SLC39A12: variants seen among roughly 807,000 people sequenced by gnomAD.
The protein encoded by SLC39A12 is solute carrier family 39 member 12, also known as zinc transporter ZIP12.
Under a neutral mutation model 71.1 loss-of-function variants are expected in SLC39A12, and 63 were observed. The observed-to-expected ratio is 0.89, with a 90% confidence interval of 0.72 to 1.09. SLC39A12 has a LOEUF of 1.09. Among genes scored for constraint, SLC39A12 ranks in the 50% least tolerant of loss-of-function variants. SLC39A12 has a pLI of 0.00. For missense variants in SLC39A12, 892 were observed against 812.6 expected (o/e 1.10, Z -1.19); for synonymous variants, 351 against 301.3 (o/e 1.16, Z -1.71).
Position 17,987,539 on chromosome 10 carries a change from C to T in SLC39A12, c.1157C>T (p.Ala386Val), listed in dbSNP as rs765238908. 1.6e-5 allele frequency: 26 copies of T among 1,614,038 alleles called. No homozygotes were observed. The East Asian group carries it at 3.3e-4, about 21-fold the overall frequency. ...LLTLGSMLGT[A>V]LVLFHSCEEN... ...ACACTGGGCTCCATGCTGGGGACAG[C>T]GCTGGTCCTTTTCCATAGCTGTGAG... is the stretch of plus-strand genomic sequence containing the variant. The change falls in exon 7 of 13, where the codon GCG (alanine) becomes GTG (valine). Residue 386 changes from alanine (A) to valine (V), a missense_variant. Coordinates refer to ENST00000377369, the MANE Select transcript of SLC39A12 (RefSeq NM_001145195.2).
At chr10:17,977,807 T>C (rs983292386) in intron 4 of SLC39A12, 95 bp from the exon 5 acceptor site, 9 of 940,342 alleles carry the variant, frequency 9.6e-6, no homozygotes, top group African/African-American at 8.5e-5. Flanking sequence ...TAAGAATTCT[T>C]TGTAAGGGAA....
intron 12 of SLC39A12, chr10:18,010,595 T>C (rs1836186388): frequency 6.6e-6 from 1 of 152,216 alleles, no homozygotes. Context: ...TTAGAAATTT[T>C]CTACTGAGAA....
chr10:18,012,885 A>AAAT (rs1491528059), intron 12 of SLC39A12, among the ~76,000 whole-genome samples: 9 of 140,150 alleles, frequency 6.4e-5, no homozygotes, highest in African/African-American at 2.1e-4. Flanking sequence ...AAAAAAAAAA[A>AAAT]GGGCTTAAAT....
intron 12 of SLC39A12, among the ~76,000 whole-genome samples, chr10:18,030,124 A>T (rs1836795741): frequency 6.6e-6 from 1 of 152,074 alleles, no homozygotes; most frequent in South Asian, 2.1e-4. Flanking sequence ...ATTGATTTAC[A>T]TGTGAACATG....
intron 9 of SLC39A12, among the ~76,000 whole-genome samples, chr10:17,994,736 C>T (rs896839699): frequency 6.6e-6 from 1 of 152,122 alleles, no homozygotes; most frequent in Admixed American, 6.5e-5. Flanking sequence ...AACAGCCTAT[C>T]ATTATCTTTT....
In SLC39A12 at chr10:18,003,204, C is replaced by G. The variant is rs765088632; in HGVS notation, c.1793C>G (p.Ser598Cys). The part of the protein sequence containing the change: ...DFAVLLSSGL[S>C]MKTAILMNFI... ...GCCGTGCTCTTAAGCTCTGGACTTT[C>G]TATGAAGACTGCCATCCTGATGAAT... Residue 598 changes from serine to cysteine, a missense_variant, in exon 12 of 13, where the codon TCT (serine) becomes TGT (cysteine). By Grantham distance (112) the Ser-to-Cys change is moderately radical. Coordinates refer to ENST00000377369, the MANE Select transcript of SLC39A12 (RefSeq NM_001145195.2). 1 of 1,614,060 alleles carries G rather than the reference C, an allele frequency of 6.2e-7. No homozygotes were observed. The highest frequency in any genetic ancestry group is 2.2e-5 in the East Asian group (1 of 44,868).
chr10:18,014,018 G>A (rs551172599), intron 12 of SLC39A12, among the ~76,000 whole-genome samples: 105 of 152,154 alleles, frequency 6.9e-4, no homozygotes, highest in African/African-American at 2.4e-3. Flanking sequence ...TTGGGATTTT[G>A]GTAGAGATTA....
intron 12 of SLC39A12, among the ~76,000 whole-genome samples, chr10:18,040,906 G>A (rs12358488): frequency 0.14 from 20,895 of 151,874 alleles, 2,357 homozygotes; most frequent in African/African-American, 0.3. Flanking sequence ...AAATTTGACT[G>A]TGTCTGGAGG....
chr10:17,980,125 A>G (rs1434073940), intron 5 of SLC39A12, among the ~76,000 whole-genome samples: 1 of 152,118 alleles, frequency 6.6e-6, no homozygotes, highest in Non-Finnish European at 1.5e-5. Context: ...CATTCATTCA[A>G]TCCCTGGGTT....
chr10:18,034,708 T>A (rs559065421), intron 12 of SLC39A12, among the ~76,000 whole-genome samples: 1 of 152,004 alleles, frequency 6.6e-6, no homozygotes, highest in African/African-American at 2.4e-5. Context: ...AGCTGGTGAT[T>A]TTGCTTGTCA....
chr10:17,963,778 C>G (rs1238140081), intron 3 of SLC39A12, among the ~76,000 whole-genome samples: 5 of 152,172 alleles, frequency 3.3e-5, no homozygotes, highest in Non-Finnish European at 7.3e-5. Flanking sequence ...ATTTCCAGGT[C>G]TTGGTCTGCA....
chr10:17,985,340 C>T (rs1164244842), intron 6 of SLC39A12, among the ~76,000 whole-genome samples: 1 of 151,002 alleles, frequency 6.6e-6, no homozygotes, highest in Non-Finnish European at 1.5e-5. Flanking sequence ...AAGACTGTCT[C>T]AAAAATAAAA....
intron 5 of SLC39A12, 98 bp downstream of exon 5, chr10:17,978,172 G>T: frequency 1.0e-6 from 1 of 976,736 alleles, no homozygotes; most frequent in Non-Finnish European, 1.5e-6. Context: ...AAAGAGTATT[G>T]TGTATTATCT....
At chr10:17,969,151 A>G (rs1040837939) in intron 4 of SLC39A12, among the ~76,000 whole-genome samples, 5 of 152,162 alleles carry the variant, frequency 3.3e-5, no homozygotes, top group Non-Finnish European at 7.3e-5. Flanking sequence ...ATGGTATTCC[A>G]TTGTGTATAT....
rs1445809693 is a variant in SLC39A12 at position 18,043,124 on chromosome 10, T to C, written c.*291T>C. 5.8e-6 allele frequency: 1 copy of C among 171,426 alleles called. No homozygotes were observed. The highest frequency in any genetic ancestry group is 1.2e-5 in the Non-Finnish European group (1 of 80,974). 10.6% of individuals were successfully genotyped at this position (171,426 alleles called of 1,614,324 possible). On this transcript the variant is annotated 3_prime_UTR_variant, in exon 13 of 13. Coordinates refer to ENST00000377369, the MANE Select transcript of SLC39A12 (RefSeq NM_001145195.2). ...ATGAATTTTAGTAAACTTTAAAAAA[T>C]AGATTTTTTCCCTAAGAAAGAATGT...
At chr10:17,956,405 G>A (rs1318815105) in intron 2 of SLC39A12, among the ~76,000 whole-genome samples, 1 of 147,386 alleles carries the variant, frequency 6.8e-6, no homozygotes, top group Non-Finnish European at 1.5e-5. Context: ...AGATCTCTGA[G>A]GATCTCATGG....
chr10:17,965,398 C>T, intron 3 of SLC39A12, 85 bp from the exon 4 acceptor site: 1 of 1,213,138 alleles, frequency 8.2e-7, no homozygotes, highest in South Asian at 1.3e-5. Flanking sequence ...AATTCCTTAT[C>T]CCTTTAGGGG....
At chr10:18,024,114 TG>T (rs1233345315) in intron 12 of SLC39A12, among the ~76,000 whole-genome samples, 2 of 151,534 alleles carry the variant, frequency 1.3e-5, no homozygotes, top group Non-Finnish European at 2.9e-5. Flanking sequence ...CAGGTGGAGG[TG>T]GGGTGGCTGT....
chr10:17,962,093 G>A (rs576027176), intron 3 of SLC39A12, among the ~76,000 whole-genome samples: 9 of 152,304 alleles, frequency 5.9e-5, no homozygotes, highest in African/African-American at 2.2e-4. Context: ...TGGGTGGACA[G>A]GCAGTCCAGG....
Sources: gnomAD v4.1 joint callset for allele counts (sites outside exome capture counted in the v4.1 genomes callset) on GRCh38, gnomAD v4.1.1 for gene constraint, MANE v1.5 for transcripts, NCBI Gene and HGNC (gene_info 2026-07-23, HGNC 2026-07-21) for gene names.